Variants in MINDY2 observed in about 807,000 individuals in gnomAD.
The protein encoded by MINDY2 is ubiquitin carboxyl-terminal hydrolase MINDY-2.
A neutral mutation model predicts 68.2 loss-of-function variants in MINDY2; 52 were observed. The ratio of observed to expected loss-of-function variants is 0.76; its 90% CI spans 0.61 to 0.96. The LOEUF (loss-of-function observed/expected upper bound fraction) is 0.96. MINDY2 is among the 40% of genes least tolerant of loss of function. The pLI is 0.00. For missense variants in MINDY2, 881 were observed against 773.4 expected, an observed-to-expected ratio of 1.14 and a Z score of -1.65; for synonymous variants, 372 against 303.0, an observed-to-expected ratio of 1.23 and a Z score of -2.36.
At chr15:58,787,573 A>G (rs1901591405) in intron 1 of MINDY2, among the ~76,000 whole-genome samples, 1 of 152,054 alleles carries the variant, frequency 6.6e-6, no homozygotes, top group Middle Eastern at 3.4e-3. Flanking sequence ...CCTCTCTACT[A>G]AAAATACAAA....
chr15:58,778,032 A>AT (rs1900884943), intron 1 of MINDY2, among the ~76,000 whole-genome samples: 1 of 152,198 alleles, frequency 6.6e-6, no homozygotes, highest in Non-Finnish European at 1.5e-5. Flanking sequence ...TTAGGTGTTT[A>AT]TGAAGTTAAG....
intron 3 of MINDY2, among the ~76,000 whole-genome samples, chr15:58,808,142 C>G (rs541896508): frequency 6.6e-6 from 1 of 152,202 alleles, no homozygotes; most frequent in East Asian, 1.9e-4. Context: ...CCTCCTAACC[C>G]CATACACACA....
chr15:58,829,737 T>C (rs190234947), intron 5 of MINDY2, among the ~76,000 whole-genome samples: 16 of 152,350 alleles, frequency 1.1e-4, no homozygotes, highest in Non-Finnish European at 2.1e-4. Flanking sequence ...TCAATGAATT[T>C]CTTTTGGCTG....
rs987931100 is a variant in MINDY2 at position 58,773,871 on chromosome 15, G to C, written c.840+1636G>C. Among the ~76,000 whole-genome samples the C allele has an allele frequency of 5.3e-5, 8 of 152,292 alleles. No homozygotes were observed. In the East Asian group the frequency reaches 1.5e-3, roughly 29 times the overall value. ...ATATGTTTATTACATGACAGAAGTGGTAAGCTAATGTTGGAGAATAATGAA... is the reference window on the plus strand; with the variant it reads ...ATATGTTTATTACATGACAGAAGTGCTAAGCTAATGTTGGAGAATAATGAA... On this transcript the variant is annotated intron_variant, in intron 1 of 8. Coordinates refer to ENST00000559228, the MANE Select transcript of MINDY2 (RefSeq NM_001040450.3).
At chr15:58,785,293 C>G (rs1045907597) in intron 1 of MINDY2, among the ~76,000 whole-genome samples, 12 of 152,066 alleles carry the variant, frequency 7.9e-5, no homozygotes, top group Admixed American at 7.2e-4. Flanking sequence ...GGCTATGATT[C>G]AGGAAATGAA....
At chr15:58,796,792 G>A (rs546697899) in intron 2 of MINDY2, among the ~76,000 whole-genome samples, 110 of 152,220 alleles carry the variant, frequency 7.2e-4, no homozygotes, top group African/African-American at 2.6e-3. Flanking sequence ...GGAAGTGCTG[G>A]GATTATAGGC....
At chr15:58,854,450 GAGTA>G (rs2032983184) in intron 8 of MINDY2, 28 bp from the exon 9 acceptor site, 1 of 1,599,780 alleles carries the variant, frequency 6.3e-7, no homozygotes, top group South Asian at 1.1e-5. Context: ...AGAATAGTTA[GAGTA>G]ATTTCTTGCT....
intron 5 of MINDY2, among the ~76,000 whole-genome samples, chr15:58,830,914 C>A (rs926856383): frequency 4.6e-5 from 7 of 151,874 alleles, no homozygotes; most frequent in Non-Finnish European, 8.8e-5. Flanking sequence ...CATGAAAATG[C>A]TGCAAGTATT....
chr15:58,846,092 TAA>T (rs34161206), intron 6 of MINDY2, among the ~76,000 whole-genome samples: 39 of 136,120 alleles, frequency 2.9e-4, no homozygotes, highest in Non-Finnish European at 2.9e-4. Flanking sequence ...TAATGGATGT[TAA>T]AAAAAAAAAA....
intron 1 of MINDY2, among the ~76,000 whole-genome samples, chr15:58,775,171 C>T (rs1404541052): frequency 6.6e-6 from 1 of 152,162 alleles, no homozygotes; most frequent in Non-Finnish European, 1.5e-5. Context: ...TGACATCGCT[C>T]TGTCAGTTAA....
intron 4 of MINDY2, among the ~76,000 whole-genome samples, chr15:58,817,446 T>C (rs1363098983): frequency 1.3e-5 from 2 of 152,050 alleles, no homozygotes; most frequent in African/African-American, 4.8e-5. Context: ...TGGTATTACG[T>C]TGGGCGCAGT....
chr15:58,776,233 C>A (rs1474056399), intron 1 of MINDY2, among the ~76,000 whole-genome samples: 1 of 152,068 alleles, frequency 6.6e-6, no homozygotes, highest in Non-Finnish European at 1.5e-5. Flanking sequence ...AGCAATAGTT[C>A]TCAACTTTTC....
At chr15:58,808,395 A>C (rs1295665563) in intron 3 of MINDY2, among the ~76,000 whole-genome samples, 1 of 152,106 alleles carries the variant, frequency 6.6e-6, no homozygotes, top group African/African-American at 2.4e-5. Context: ...AATCCTTGGC[A>C]ACCACTGATC....
In MINDY2 at chr15:58,804,278, G is replaced by A. The variant is rs534493854; in HGVS notation, c.963+1901G>A. On this transcript the variant is annotated intron_variant, in intron 3 of 8. Coordinates refer to ENST00000559228, the MANE Select transcript of MINDY2 (RefSeq NM_001040450.3). The stretch of plus-strand genomic sequence containing the variant: ...TCTTTTCAAATGAAATCTCATCCCA[G>A]CTTCCAATATATAAAACCAGTACAT... Among the ~76,000 whole-genome samples, 9 of 152,218 alleles carry A rather than the reference G, an allele frequency of 5.9e-5. No homozygotes were observed. The East Asian group carries it at 1.7e-3, about 29-fold the overall frequency.
chr15:58,779,230 A>G (rs550682898), intron 1 of MINDY2, among the ~76,000 whole-genome samples: 82 of 152,328 alleles, frequency 5.4e-4, no homozygotes, highest in Non-Finnish European at 1.1e-3. Flanking sequence ...CTTATAAATT[A>G]GAAAAGGGTG....
At chr15:58,814,731 T>C (rs566540037) in intron 4 of MINDY2, among the ~76,000 whole-genome samples, 1 of 152,112 alleles carries the variant, frequency 6.6e-6, no homozygotes, top group Non-Finnish European at 1.5e-5. Context: ...CAAATGTTCT[T>C]GATGTGTTCT....
intron 2 of MINDY2, among the ~76,000 whole-genome samples, chr15:58,795,592 G>C (rs1902228640): frequency 6.6e-6 from 1 of 152,020 alleles, no homozygotes; most frequent in South Asian, 2.1e-4. Flanking sequence ...TTTTAGTAGA[G>C]ACAGGGTTTC....
chr15:58,784,256 G>T (rs1265662448), intron 1 of MINDY2, among the ~76,000 whole-genome samples: 1 of 151,994 alleles, frequency 6.6e-6, no homozygotes, highest in Non-Finnish European at 1.5e-5. Context: ...AGCTGGGGAG[G>T]TCAAGGCTGC....
intron 4 of MINDY2, among the ~76,000 whole-genome samples, chr15:58,813,878 T>TA (rs1734000106): frequency 6.6e-6 from 1 of 152,136 alleles, no homozygotes; most frequent in Non-Finnish European, 1.5e-5. Context: ...CACTATTTTT[T>TA]ATTTTAGCCA....
Sources: gnomAD v4.1 joint callset for allele counts (sites outside exome capture counted in the v4.1 genomes callset) on GRCh38, gnomAD v4.1.1 for gene constraint, MANE v1.5 for transcripts, NCBI Gene and HGNC (gene_info 2026-07-23, HGNC 2026-07-21) for gene names.